HMGN4: variants seen among roughly 807,000 people sequenced by gnomAD.
HMGN4 encodes high mobility group nucleosomal binding domain 4.
For missense variants in HMGN4, 69 were observed against 104.9 expected (o/e 0.66, Z 1.49); for synonymous variants, 39 against 39.1 (o/e 1.00, Z 0.01).
chr6:26,545,398 G>C lies in HMGN4; in HGVS notation c.192G>C (p.Lys64Asn), dbSNP rs994727425. 2 of 1,613,776 alleles carry C rather than the reference G, an allele frequency of 1.2e-6. No homozygotes were observed. Among genetic ancestry groups the C allele is most frequent in the South Asian group, 1.1e-5 (1 of 91,048 alleles). ...GAAAGGGGAAAGCAGATGCTGGAAA[G>C]GATGGGAACAACCCTGCAAAAAACC... is the stretch of plus-strand genomic sequence containing the variant. ...KGRKGKADAG[K>N]DGNNPAKNRD... Residue 64 changes from lysine to asparagine, a missense_variant, in exon 2 of 2, where the codon AAG becomes AAC. By Grantham distance (94) the Lys-to-Asn change is moderately conservative (BLOSUM62 0). Transcript: ENST00000377575.
intron 1 of HMGN4, among the ~76,000 whole-genome samples, chr6:26,543,579 G>A (rs1344326041): frequency 6.9e-6 from 1 of 144,378 alleles, no homozygotes; most frequent in Non-Finnish European, 1.5e-5. Context: ...TGGCCAACAC[G>A]GTGAAACCCT....
At chr6:26,539,167 A>T (rs1764255597) in intron 1 of HMGN4, among the ~76,000 whole-genome samples, 2 of 152,198 alleles carry the variant, frequency 1.3e-5, no homozygotes, top group Non-Finnish European at 2.9e-5. Context: ...GTTCCCTAAG[A>T]GGGATTTCTT....
chr6:26,541,653 GT>G (rs796094161), intron 1 of HMGN4, among the ~76,000 whole-genome samples: 10 of 149,514 alleles, frequency 6.7e-5, no homozygotes, highest in East Asian at 3.9e-4. Context: ...TTCACTATTA[GT>G]TTTTTTTTTA....
At chr6:26,543,412 C>T (rs2113583499) in intron 1 of HMGN4, among the ~76,000 whole-genome samples, 1 of 59,444 alleles carries the variant, frequency 1.7e-5, no homozygotes, top group Non-Finnish European at 3.3e-5. Flanking sequence ...GTCTCAGTGG[C>T]ACCATTACCT....
rs960741431 is a variant in HMGN4 at position 26,540,261 on chromosome 6, G to A, written c.-81+1760G>A. On this transcript the variant is annotated intron_variant, in intron 1 of 1. Transcript: ENST00000377575. ...ATACTTTGGAAGATGAAGAACAAAC[G>A]CCCTGGAGAGTGACTGACACCATGT... Among the ~76,000 whole-genome samples, 4 of 151,980 alleles carry A rather than the reference G, an allele frequency of 2.6e-5. No homozygotes were observed. In the South Asian group the frequency reaches 6.3e-4, roughly 24 times the overall value.
intron 1 of HMGN4, among the ~76,000 whole-genome samples, chr6:26,543,326 A>T: frequency 6.6e-6 from 1 of 151,218 alleles, no homozygotes; most frequent in African/African-American, 2.4e-5. Context: ...AATTAGCAAT[A>T]AATTCATGTA....
At chr6:26,541,603 G>A (rs767332573) in intron 1 of HMGN4, among the ~76,000 whole-genome samples, 74 of 151,820 alleles carry the variant, frequency 4.9e-4, no homozygotes, top group Middle Eastern at 6.4e-3. Flanking sequence ...CAGTAATATT[G>A]AATTAGGGCC....
At chr6:26,544,977 C>T (rs1764330439) in intron 1 of HMGN4, 150 bp from the exon 2 acceptor site, 1 of 269,986 alleles carries the variant, frequency 3.7e-6, no homozygotes, top group Non-Finnish European at 7.0e-6. Context: ...TTACATATAT[C>T]TTTGCCAAGC....
At chr6:26,538,964 G>T (rs796585910) in intron 1 of HMGN4, among the ~76,000 whole-genome samples, 3 of 152,252 alleles carry the variant, frequency 2.0e-5, no homozygotes, top group African/African-American at 7.2e-5. Flanking sequence ...CCTCCACTTT[G>T]ACCTTTTGCT....
chr6:26,545,258 A>G lies in HMGN4; in HGVS notation c.52A>G (p.Lys18Glu), dbSNP rs139269061. Residue 18 changes from lysine (K) to glutamate (E), a missense_variant, in exon 2 of 2, where the codon AAG becomes GAG. Lys to Glu is a moderately conservative substitution (Grantham distance 56, BLOSUM62 1). Transcript: ENST00000377575. Reference sequence around the variant, plus strand: ...TGCTAAAGGTGATAAAGCAAAGGTGAAGGATGAGCCACAGAGGAGATCAGC... The same window carrying G: ...TGCTAAAGGTGATAAAGCAAAGGTGGAGGATGAGCCACAGAGGAGATCAGC... ...GDAKGDKAKV[K>E]DEPQRRSARL... 1.2e-6 allele frequency: 2 copies of G among 1,613,936 alleles called. No homozygotes were observed. Among genetic ancestry groups the G allele is most frequent in the African/African-American group, 2.7e-5 (2 of 74,916 alleles).
intron 1 of HMGN4, among the ~76,000 whole-genome samples, chr6:26,541,208 G>A (rs116231454): frequency 3.5e-4 from 53 of 152,126 alleles, no homozygotes; most frequent in African/African-American, 1.2e-3. Context: ...CACCACCCAT[G>A]GCTAATTTTG....
Position 26,538,472 on chromosome 6 carries a change from C to T in HMGN4, c.-110C>T, listed in dbSNP as rs1314386428. ...GCGTCACGGGCCTCAGCTGGGATTCCCGCGCCCCTCGGACGGCCACGAGAC... is the reference window on the plus strand; with the variant it reads ...GCGTCACGGGCCTCAGCTGGGATTCTCGCGCCCCTCGGACGGCCACGAGAC... On this transcript the variant is annotated 5_prime_UTR_variant, in exon 1 of 2. Coordinates refer to ENST00000377575, the MANE Select transcript of HMGN4 (RefSeq NM_006353.3). 1.3e-5 allele frequency: 2 copies of T among 152,386 alleles called. No homozygotes were observed. Among genetic ancestry groups the T allele is most frequent in the Non-Finnish European group, 2.9e-5 (2 of 68,168 alleles). 9.4% of individuals were successfully genotyped at this position (152,386 alleles called of 1,614,324 possible). A position where few individuals can be genotyped will look rare whatever the true frequency, so the allele number is the denominator to read the frequency against.
intron 1 of HMGN4, among the ~76,000 whole-genome samples, chr6:26,541,868 A>C (rs1220240558): frequency 6.6e-6 from 1 of 152,220 alleles, no homozygotes; most frequent in Non-Finnish European, 1.5e-5. Flanking sequence ...AGTGATTCAA[A>C]ACTTTCACTA....
At chr6:26,541,294 G>A (rs1183492921) in intron 1 of HMGN4, among the ~76,000 whole-genome samples, 1 of 152,160 alleles carries the variant, frequency 6.6e-6, no homozygotes, top group Non-Finnish European at 1.5e-5. Context: ...GCCTCCCAAA[G>A]TTCTGGGATT....
Position 26,545,578 on chromosome 6 carries a change from TTTAAG to T in HMGN4, c.*103_*107del, listed in dbSNP as rs1764339805. 5 of 1,228,628 alleles carry T rather than the reference TTTAAG, an allele frequency of 4.1e-6. No individual in the cohort carries two copies. The African/African-American group carries it at 7.7e-5, about 19-fold the overall frequency. The allele number at this position is 1,228,628 out of a possible 1,614,324, so 76.1% of individuals were successfully genotyped here. On this transcript the variant is annotated 3_prime_UTR_variant, in exon 2 of 2. Coordinates refer to ENST00000377575, the MANE Select transcript of HMGN4 (RefSeq NM_006353.3). The stretch of plus-strand genomic sequence containing the variant: ...TATAAAAGTGTAGAATTTTGGCTTT[TTTAAG>T]TTATGTTGTTAGCACACAGGACACT...
intron 1 of HMGN4, among the ~76,000 whole-genome samples, chr6:26,538,754 G>C (rs1764250850): frequency 6.6e-6 from 1 of 152,166 alleles, no homozygotes; most frequent in South Asian, 2.1e-4. Flanking sequence ...AGGCCCGACC[G>C]GGATGAGAAG....
chr6:26,545,165 C>G lies in HMGN4; in HGVS notation c.-42C>G, dbSNP rs761132143. 2.0e-6 allele frequency: 3 copies of G among 1,493,236 alleles called. No individual in the cohort carries two copies. The highest frequency in any genetic ancestry group is 2.7e-6 in the Non-Finnish European group (3 of 1,118,026). The allele number at this position is 1,493,236 out of a possible 1,614,324, so 92.5% of individuals were successfully genotyped here. A position where few individuals can be genotyped will look rare whatever the true frequency, so the allele number is the denominator to read the frequency against. On this transcript the variant is annotated 5_prime_UTR_variant, in exon 2 of 2. Transcript: ENST00000377575. ...AACAGCGTGAGGAGGACAGAAGCAC[C>G]CAACAGGACTGCTCAAGCCACCTGC...
intron 1 of HMGN4, 27 bp from the exon 2 acceptor site, chr6:26,545,100 G>T: frequency 9.4e-6 from 9 of 955,064 alleles, no homozygotes; most frequent in South Asian, 7.6e-5. Flanking sequence ...TCCCTTTATG[G>T]TTTACGCTTT....
chr6:26,539,812 C>A (rs571191640), intron 1 of HMGN4: 2 of 152,100 alleles, frequency 1.3e-5, no homozygotes, highest in Admixed American at 6.6e-5. Flanking sequence ...AAGATAATAT[C>A]TTGGTTAGCA....
Sources: gnomAD v4.1 joint callset for allele counts (sites outside exome capture counted in the v4.1 genomes callset) on GRCh38, gnomAD v4.1.1 for gene constraint, MANE v1.5 for transcripts, NCBI Gene and HGNC (gene_info 2026-07-23, HGNC 2026-07-21) for gene names.